EMB: variants seen among roughly 807,000 people sequenced by gnomAD.
EMB encodes embigin, also known as embigin homolog.
In EMB, 31 loss-of-function variants were observed where a neutral mutation model predicts 41.4. That is an observed-to-expected ratio of 0.75 (90% CI 0.56 to 1.01). The LOEUF is 1.01. EMB is among the 50% of genes least tolerant of loss of function. The pLI is 0.00. For synonymous variants in EMB, 137 were observed against 140.4 expected (o/e 0.98, Z 0.17); for missense variants, 379 against 388.3 (o/e 0.98, Z 0.20).
At chr5:50,403,059 A>C (rs1273081306) in intron 6 of EMB, 119 bp downstream of exon 6, 1 of 975,670 alleles carries the variant, frequency 1.0e-6, no homozygotes. Flanking sequence ...GATTTTCCCC[A>C]AAAATCCTAA....
At chr5:50,423,000 C>T (rs560489473) in intron 2 of EMB, among the ~76,000 whole-genome samples, 15 of 151,808 alleles carry the variant, frequency 9.9e-5, no homozygotes, top group Admixed American at 9.2e-4. Context: ...TAGGGTATCC[C>T]TTGCTACATG....
intron 2 of EMB, among the ~76,000 whole-genome samples, chr5:50,415,416 T>C (rs1745413044): frequency 6.6e-6 from 1 of 152,200 alleles, no homozygotes; most frequent in Admixed American, 6.5e-5. Context: ...GGGACAATAA[T>C]ATTCCATGAG....
At chr5:50,420,312 G>A (rs1297143662) in intron 2 of EMB, among the ~76,000 whole-genome samples, 1 of 152,198 alleles carries the variant, frequency 6.6e-6, no homozygotes, top group East Asian at 1.9e-4. Flanking sequence ...TGCTACCTTG[G>A]TAATGAATTT....
chr5:50,432,042 T>C (rs1355647452), intron 1 of EMB, among the ~76,000 whole-genome samples: 2 of 152,230 alleles, frequency 1.3e-5, no homozygotes, highest in Non-Finnish European at 1.5e-5. Context: ...CTTAAAGGTA[T>C]TAAGGTAACA....
At position 50,410,907 on chromosome 5, in the gene EMB, T is replaced by C; in HGVS notation, c.442A>G (p.Lys148Glu). 1.2e-6 allele frequency: 2 copies of C among 1,606,038 alleles called. No individual in the cohort carries two copies. The highest frequency in any genetic ancestry group is 1.7e-6 in the Non-Finnish European group (2 of 1,176,914). ...GSYSCFFREE[K>E]EQRGTFNFKV... ...AAATTAAATGTTCCCCTTTGTTCCT[T>C]TTCCTCTCGAAAGAAACAAGAATAA... The change falls in exon 4 of 9, where the codon AAG (lysine) becomes GAG (glutamate). Residue 148 changes from lysine (K) to glutamate (E), a missense_variant. Lys to Glu is a moderately conservative substitution (Grantham distance 56). Coordinates refer to ENST00000303221, the MANE Select transcript of EMB (RefSeq NM_198449.3).
rs1449540530 is a variant in EMB, at chr5:50,397,480, T to C, written c.*1793A>G. The C allele has an allele frequency of 6.6e-6, 1 of 152,064 alleles. No individual in the cohort carries two copies. The highest frequency in any genetic ancestry group is 2.4e-5 in the African/African-American group (1 of 41,414). The allele number at this position is 152,064 out of a possible 1,614,324, so 9.4% of individuals were successfully genotyped here. ...TTGAAAATTGTATGAGCCTCAATGG[T>C]TAGTGGTGGTAAAATGGAAGAATGC... On this transcript the variant is annotated 3_prime_UTR_variant, in exon 9 of 9. Transcript: ENST00000303221.
intron 5 of EMB, among the ~76,000 whole-genome samples, chr5:50,405,301 T>G (rs1250850635): frequency 5.3e-5 from 8 of 151,910 alleles, no homozygotes; most frequent in Non-Finnish European, 1.2e-4. Flanking sequence ...TGCCACTATT[T>G]TGCATTCTAT....
intron 2 of EMB, among the ~76,000 whole-genome samples, chr5:50,414,262 G>A (rs1389246932): frequency 6.6e-6 from 1 of 152,078 alleles, no homozygotes. Context: ...AATGGTTCAT[G>A]CCTGTGATCC....
chr5:50,429,971 TCTC>T (rs1561139879), intron 1 of EMB, among the ~76,000 whole-genome samples: 6,396 of 133,952 alleles, frequency 0.048, 297 homozygotes, highest in African/African-American at 0.12. Context: ...ACTCTCTTTC[TCTC>T]TCTCTCTCTC....
chr5:50,434,440 C>T (rs1344738666), intron 1 of EMB, among the ~76,000 whole-genome samples: 1 of 152,182 alleles, frequency 6.6e-6, no homozygotes, highest in Non-Finnish European at 1.5e-5. Context: ...CCCAAGAACA[C>T]CCTCCTGCCA....
At chr5:50,440,058 A>G (rs1226299844) in intron 1 of EMB, among the ~76,000 whole-genome samples, 5 of 152,198 alleles carry the variant, frequency 3.3e-5, no homozygotes, top group Non-Finnish European at 5.9e-5. Context: ...TCCCTCTGTC[A>G]AAGTGTCTTA....
At chr5:50,404,417 G>A (rs1379455814) in intron 5 of EMB, among the ~76,000 whole-genome samples, 1 of 151,850 alleles carries the variant, frequency 6.6e-6, no homozygotes, top group Non-Finnish European at 1.5e-5. Flanking sequence ...CACATGGTTG[G>A]TCTACATTTT....
Position 50,403,353 on chromosome 5 carries a change from A to G in EMB, c.702T>C (p.Ser234=). 1.2e-6 allele frequency: 2 copies of G among 1,612,752 alleles called. No homozygotes were observed. Among genetic ancestry groups the G allele is most frequent in the South Asian group, 2.2e-5 (2 of 91,066 alleles). The change falls in exon 6 of 9, where the codon TCT becomes TCC. Residue 234 remains serine (S), a synonymous_variant. Transcript: ENST00000303221. ...ITQLLEEDGE[S]YWCRALFQLG... ...ATTGGAATAGTGCACGGCACCAGTA[A>G]GATTCCCCATCTTCCTCCAAAAGTT...
At chr5:50,406,455 C>T (rs1310545908) in intron 4 of EMB, among the ~76,000 whole-genome samples, 1 of 151,140 alleles carries the variant, frequency 6.6e-6, no homozygotes, top group Non-Finnish European at 1.5e-5. Context: ...GATAAATTTC[C>T]TAGTCAAGGA....
At chr5:50,432,231 T>C (rs943474297) in intron 1 of EMB, among the ~76,000 whole-genome samples, 1 of 152,132 alleles carries the variant, frequency 6.6e-6, no homozygotes, top group South Asian at 2.1e-4. Context: ...ATCCCTTTAT[T>C]ATATGTTAAA....
chr5:50,435,755 C>T (rs1745793692), intron 1 of EMB, among the ~76,000 whole-genome samples: 1 of 152,130 alleles, frequency 6.6e-6, no homozygotes, highest in Non-Finnish European at 1.5e-5. Context: ...CTTTGTACCC[C>T]ATCAAAGTTT....
chr5:50,406,379 T>C (rs1039166152), intron 4 of EMB, among the ~76,000 whole-genome samples: 1 of 151,600 alleles, frequency 6.6e-6, no homozygotes, highest in African/African-American at 2.4e-5. Context: ...AGAAAGAAAA[T>C]AAGATTTAAA....
chr5:50,404,443 C>T (rs1745216654), intron 5 of EMB, among the ~76,000 whole-genome samples: 1 of 151,894 alleles, frequency 6.6e-6, no homozygotes, highest in Non-Finnish European at 1.5e-5. Context: ...GGCACTTGTG[C>T]TCAAGTTTTG....
upstream of EMB, chr5:50,443,194 C>A (rs1200602385): frequency 6.6e-6 from 1 of 152,144 alleles, no homozygotes; most frequent in Admixed American, 6.5e-5. Flanking sequence ...ATTCACCTTT[C>A]AAAATTCATC....
Sources: allele counts gnomAD v4.1 joint callset (sites outside exome capture counted in the v4.1 genomes callset), GRCh38; gene constraint gnomAD v4.1.1; transcripts MANE v1.5; gene names NCBI Gene and HGNC (gene_info 2026-07-23, HGNC 2026-07-21).